Variants in FRMD1 observed in about 807,000 individuals in gnomAD.
FRMD1 encodes FERM domain containing 1.
A neutral mutation model predicts 54.9 loss-of-function variants in FRMD1; 51 were observed. The observed-to-expected ratio is 0.93, with a 90% CI of 0.74 to 1.17. FRMD1 has a LOEUF of 1.17. FRMD1 is among the 50% of genes most tolerant of loss of function. The probability of loss-of-function intolerance (pLI) is 0.00; values close to 1 mark genes in which losing one functional copy is unlikely to be tolerated. For synonymous variants in FRMD1, 324 were observed against 306.4 expected, an observed-to-expected ratio of 1.06 and a Z score of -0.60; for missense variants, 729 against 743.0, an observed-to-expected ratio of 0.98 and a Z score of 0.22.
rs755625307 is a variant in FRMD1 at position 168,063,661 on chromosome 6, G to A, written c.744C>T (p.Cys248=). Residue 248 remains cysteine, a synonymous_variant, in exon 6 of 11, where the codon TGC becomes TGT. Transcript: ENST00000283309. ...CCAGCCGGCAGGCCTCCTGGATGAA[G>A]CACAGCATGGCCTCCTTGGGGCTCA... ...QGLSPKEAML[C]FIQEACRLED... 1.2e-6 allele frequency: 2 copies of A among 1,613,818 alleles called. No individual in the cohort carries two copies. Among genetic ancestry groups the A allele is most frequent in the Middle Eastern group, 1.7e-4 (1 of 6,058 alleles).
rs1043561431 is a variant in FRMD1 at position 168,088,093 on chromosome 6, A to G, written c.-11-9069T>C. 2.0e-5 allele frequency among the ~76,000 whole-genome samples: 3 copies of G among 152,052 alleles called. No individual in the cohort carries two copies. The South Asian group carries it at 6.2e-4, about 31-fold the overall frequency. On this transcript the variant is annotated intron_variant, in intron 1 of 12. Coordinates refer to the FRMD1 transcript ENST00000644440. ...CTCCCCCGCAGGCCCTCACCCCACAACAAGCTGGGGGTTAGGGCGCTCTTC... is the reference window on the plus strand; with the variant it reads ...CTCCCCCGCAGGCCCTCACCCCACAGCAAGCTGGGGGTTAGGGCGCTCTTC...
chr6:168,056,867 A>C lies in FRMD1; in HGVS notation c.*230T>G. ...ACTGGCTCCCTGAGACCCTGAGGGA[A>C]AGAGCTCCCGGGTGTATGGCAGACA... On this transcript the variant is annotated 3_prime_UTR_variant, in exon 11 of 11. Transcript: ENST00000283309. 7 of 397,602 alleles carry C rather than the reference A, an allele frequency of 1.8e-5. No homozygotes were observed. Among genetic ancestry groups the C allele is most frequent in the Non-Finnish European group, 1.7e-5 (4 of 230,138 alleles). The allele number at this position is 397,602 out of a possible 1,614,324, so 24.6% of individuals were successfully genotyped here. A position where few individuals can be genotyped will look rare whatever the true frequency, so the allele number is the denominator to read the frequency against.
At chr6:168,092,050 C>G (rs1801024459) in intron 1 of FRMD1, among the ~76,000 whole-genome samples, 1 of 152,260 alleles carries the variant, frequency 6.6e-6, no homozygotes, top group Non-Finnish European at 1.5e-5. Flanking sequence ...TCCTGGCCCT[C>G]TGCTGGGCTG....
chr6:168,071,225 G>C (rs1335173725), intron 2 of FRMD1, among the ~76,000 whole-genome samples: 1 of 152,190 alleles, frequency 6.6e-6, no homozygotes, highest in South Asian at 2.1e-4. Flanking sequence ...GTCTTATTTT[G>C]CCTTGCCTCT....
intron 4 of FRMD1, chr6:168,066,221 G>A (rs578009314): frequency 2.0e-5 from 20 of 987,886 alleles, no homozygotes; most frequent in Middle Eastern, 5.2e-4. Context: ...ACTTTAGGCC[G>A]GGCACGGTGG....
chr6:168,062,984 A>C, intron 6 of FRMD1, 25 bp from the exon 7 acceptor site: 2 of 1,605,602 alleles, frequency 1.2e-6, no homozygotes, highest in Non-Finnish European at 1.7e-6. Context: ...TCAGAGGTCA[A>C]GTTGCAGGCC....
chr6:168,086,690 A>C (rs954792358), intron 1 of FRMD1, among the ~76,000 whole-genome samples: 2 of 152,204 alleles, frequency 1.3e-5, no homozygotes, highest in African/African-American at 2.4e-5. Context: ...GCTGTGCCTG[A>C]TCATGCATCC....
rs149597459 is a variant in FRMD1 at position 168,057,144 on chromosome 6, C to T, written c.1603G>A (p.Ala535Thr). 5.9e-5 allele frequency: 91 copies of T among 1,550,612 alleles called. No homozygotes were observed. The African/African-American group carries it at 1.1e-3, about 19-fold the overall frequency. Residue 535 changes from alanine (A) to threonine (T), a missense_variant, in exon 11 of 11, where the codon GCC becomes ACC. Ala to Thr is a moderately conservative substitution (Grantham distance 58). Coordinates refer to ENST00000283309, the MANE Select transcript of FRMD1 (RefSeq NM_024919.6). The stretch of plus-strand genomic sequence containing the variant: ...GGAGCCTCTCCGAACAGGTCCAGGG[C>T]GAGACAGTTGCTGGACCTCTTGCTG... ...LPSKRSSNCL[A>T]LDLFGEAPPQ...
At chr6:168,072,485 G>A (rs893665753) in intron 2 of FRMD1, among the ~76,000 whole-genome samples, 6 of 152,222 alleles carry the variant, frequency 3.9e-5, no homozygotes, top group Admixed American at 1.3e-4. Context: ...GCCCTGGGGC[G>A]TTTCTCGCCT....
Position 168,057,835 on chromosome 6 carries a change from C to T in FRMD1, c.1408-496G>A, listed in dbSNP as rs553245544. On this transcript the variant is annotated intron_variant, in intron 10 of 10. Transcript: ENST00000283309. ...GCCCGAGCTTCTCGGCTGCCGTGGC[C>T]CCTCAGATCTGCCTTGGACCACTGT... The T allele has an allele frequency of 7.9e-5, 14 of 176,346 alleles. No individual in the cohort carries two copies. The East Asian group carries it at 2.4e-3, about 30-fold the overall frequency. 10.9% of individuals were successfully genotyped at this position (176,346 alleles called of 1,614,324 possible). A position where few individuals can be genotyped will look rare whatever the true frequency, so the allele number is the denominator to read the frequency against.
upstream of FRMD1, among the ~76,000 whole-genome samples, chr6:168,082,142 TA>T (rs931517367): frequency 4.6e-5 from 7 of 152,182 alleles, no homozygotes; most frequent in Admixed American, 1.3e-4. Flanking sequence ...CCGGGAATGC[TA>T]GGGCTGCCCA....
At position 168,059,290 on chromosome 6, in the gene FRMD1, G is replaced by C. The variant is rs142200860; in HGVS notation, c.1343-102C>G. 7.3e-6 allele frequency: 7 copies of C among 961,500 alleles called. No individual in the cohort carries two copies. Among genetic ancestry groups the C allele is most frequent in the Non-Finnish European group, 9.4e-6 (6 of 638,564 alleles). 59.6% of individuals were successfully genotyped at this position (961,500 alleles called of 1,614,324 possible). On this transcript the variant is annotated intron_variant, in intron 9 of 10. Coordinates refer to ENST00000283309, the MANE Select transcript of FRMD1 (RefSeq NM_024919.6). The surrounding 1 kb of genome is among the most constrained non-coding windows in gnomAD (Gnocchi z 4.4). Reference sequence around the variant, plus strand: ...ACTTCTGGGGCCCTGGTCTCGGACCGGCATCTCCTGAGGCTCACACCGCCC... The same window carrying C: ...ACTTCTGGGGCCCTGGTCTCGGACCCGCATCTCCTGAGGCTCACACCGCCC...
chr6:168,076,170 G>A (rs893170807), intron 1 of FRMD1, among the ~76,000 whole-genome samples: 4 of 152,162 alleles, frequency 2.6e-5, no homozygotes, highest in Admixed American at 2.0e-4. Context: ...GGTGCAGGAC[G>A]GTTGCCGTGC....
intron 1 of FRMD1, among the ~76,000 whole-genome samples, chr6:168,087,444 C>T (rs1800940312): frequency 6.6e-6 from 1 of 152,202 alleles, no homozygotes; most frequent in Non-Finnish European, 1.5e-5. Context: ...ACATGTTGGT[C>T]AGCAGAGTCT....
intron 3 of FRMD1, chr6:168,067,097 T>C: frequency 1.4e-6 from 1 of 705,362 alleles, no homozygotes; most frequent in Non-Finnish European, 2.6e-6. Context: ...CTCACCACAG[T>C]CCCCCTGCGG....
intron 7 of FRMD1, 129 bp downstream of exon 7, chr6:168,062,765 G>T (rs748146076): frequency 6.3e-7 from 1 of 1,588,246 alleles, no homozygotes; most frequent in Non-Finnish European, 8.6e-7. Flanking sequence ...GGCAGGGCGC[G>T]TCCAGGCAGG....
At chr6:168,083,401 C>T (rs149811661), upstream of FRMD1, among the ~76,000 whole-genome samples, 13 of 152,320 alleles carry the variant, frequency 8.5e-5, no homozygotes, top group Admixed American at 7.2e-4. Context: ...GCAGCGGTGC[C>T]GGCAGGAACC....
rs556318460 is a variant in FRMD1 at position 168,060,701 on chromosome 6, C to G, written c.1342+60G>C. On this transcript the variant is annotated intron_variant, in intron 9 of 10. Coordinates refer to ENST00000283309, the MANE Select transcript of FRMD1 (RefSeq NM_024919.6). ...GCCTCGGTGTCCAGGGTCAGCCAAG[C>G]TGGGGCTGGCTGGACCACACTCACT... 6.9e-5 allele frequency: 106 copies of G among 1,539,130 alleles called. 1 individual carries two copies. In the East Asian group the frequency reaches 2.4e-3, roughly 35 times the overall value.
At position 168,060,539 on chromosome 6, in the gene FRMD1, G is replaced by A. The variant is rs186058683; in HGVS notation, c.1342+222C>T. 3.1e-4 allele frequency among the ~76,000 whole-genome samples: 47 copies of A among 152,256 alleles called. No homozygotes were observed. The East Asian group carries it at 5.0e-3, about 16-fold the overall frequency. ...GCCCCTTGGCAGGAACAGGAGACTC[G>A]GGCACAGCAGGCTGCAGGCAGCTCC... On this transcript the variant is annotated intron_variant, in intron 9 of 10. Coordinates refer to ENST00000283309, the MANE Select transcript of FRMD1 (RefSeq NM_024919.6).
Sources: allele counts gnomAD v4.1 joint callset (sites outside exome capture counted in the v4.1 genomes callset), GRCh38; gene constraint gnomAD v4.1.1; non-coding constraint Gnocchi (gnomAD v3.1); transcripts MANE v1.5; gene names NCBI Gene and HGNC (gene_info 2026-07-23, HGNC 2026-07-21).